The following RASA2 variants were observed in gnomAD, a reference collection of about 807,000 sequenced individuals.
The protein encoded by RASA2 is ras GTPase-activating protein 2.
A neutral mutation model predicts 118.2 loss-of-function variants in RASA2; 155 were observed. The ratio of observed to expected loss-of-function variants is 1.31; its 90% CI spans 1.15 to 1.50. The LOEUF (loss-of-function observed/expected upper bound fraction) is 1.50, where lower values mean the gene tolerates loss of function less well. RASA2 is among the 40% of genes most tolerant of loss of function. RASA2 has a pLI of 0.00. For synonymous variants in RASA2, 353 were observed against 349.1 expected (o/e 1.01, Z -0.12); for missense variants, 1,016 against 1,009.6 (o/e 1.01, Z -0.09).
At chr3:141,566,104 TTAAG>T (rs1246455442) in intron 9 of RASA2, among the ~76,000 whole-genome samples, 4 of 152,238 alleles carry the variant, frequency 2.6e-5, no homozygotes, top group Non-Finnish European at 4.4e-5. Context: ...AATATATAAA[TTAAG>T]TATTAAAACT....
intron 22 of RASA2, 75 bp from the exon 23 acceptor site, chr3:141,609,802 T>G: frequency 7.4e-7 from 1 of 1,352,720 alleles, no homozygotes; most frequent in Non-Finnish European, 9.9e-7. Context: ...ACTTGAAAAA[T>G]TCTTATTTGT....
chr3:141,585,619 C>T (rs1455525267), intron 17 of RASA2, among the ~76,000 whole-genome samples: 5 of 151,862 alleles, frequency 3.3e-5, no homozygotes, highest in Non-Finnish European at 7.4e-5. Context: ...GCCAACATAG[C>T]GTAACCCTGT....
chr3:141,494,494 G>A (rs1244794292), intron 1 of RASA2, among the ~76,000 whole-genome samples: 7 of 152,156 alleles, frequency 4.6e-5, no homozygotes, highest in East Asian at 1.9e-4. Context: ...TCAGCCTCCC[G>A]AGTAGCTGGG....
At chr3:141,607,803 ATATTACTTAAG>A in intron 20 of RASA2, 43 bp downstream of exon 20, 1 of 1,505,800 alleles carries the variant, frequency 6.6e-7, no homozygotes. Flanking sequence ...TGAACTGCAT[ATATTACTTAAG>A]TATTTGTATT....
chr3:141,599,855 TA>T (rs2083437337), intron 19 of RASA2, among the ~76,000 whole-genome samples: 1 of 151,766 alleles, frequency 6.6e-6, no homozygotes, highest in Non-Finnish European at 1.5e-5. Flanking sequence ...CCTCGAAGAG[TA>T]AGGGAGGGAA....
chr3:141,564,358 A>G (rs1232741235), intron 9 of RASA2, among the ~76,000 whole-genome samples: 1 of 152,212 alleles, frequency 6.6e-6, no homozygotes, highest in Admixed American at 6.5e-5. Context: ...TAAGATGGAT[A>G]GGGATGGTCC....
chr3:141,503,204 A>G (rs2081810362), intron 1 of RASA2, among the ~76,000 whole-genome samples: 2 of 152,198 alleles, frequency 1.3e-5, no homozygotes, highest in African/African-American at 2.4e-5. Context: ...ACATGAAGAA[A>G]CATACATGCA....
chr3:141,599,145 A>G (rs2083422325), intron 19 of RASA2, among the ~76,000 whole-genome samples: 1 of 152,104 alleles, frequency 6.6e-6, no homozygotes, highest in Admixed American at 6.5e-5. Flanking sequence ...TCTACACTGA[A>G]ACTACAAAAC....
Position 141,570,918 on chromosome 3 carries a change from G to C in RASA2, c.870G>C (p.Leu290Phe). The C allele has an allele frequency of 6.2e-7, 1 of 1,603,116 alleles. No homozygotes were observed. The highest frequency in any genetic ancestry group is 8.5e-7 in the Non-Finnish European group (1 of 1,176,530). Residue 290 changes from leucine (L) to phenylalanine (F), a missense_variant, in exon 10 of 24, where the codon TTG becomes TTC. By Grantham distance (22) the Leu-to-Phe change is conservative. Coordinates refer to ENST00000286364, the MANE Select transcript of RASA2 (RefSeq NM_006506.5). The stretch of plus-strand genomic sequence containing the variant: ...ACTTATATTTTTACTTTAGGTACTT[G>C]CTACAGCCAAGAGACAATGGAAACA... ...RTDSSHQAWYLLQPRDNGNKS... is the reference protein window; with the variant it reads ...RTDSSHQAWYFLQPRDNGNKS...
Position 141,570,953 on chromosome 3 carries a change from A to G in RASA2, c.905A>G (p.Lys302Arg), listed in dbSNP as rs751602733. The G allele has an allele frequency of 1.2e-6, 2 of 1,611,674 alleles. No individual in the cohort carries two copies. The highest frequency in any genetic ancestry group is 1.7e-6 in the Non-Finnish European group (2 of 1,178,820). The stretch of plus-strand genomic sequence containing the variant: ...AGAGACAATGGAAACAAGTCATCCA[A>G]AACTGATGACCTGGGGTCTCTTCGA... ...QPRDNGNKSS[K>R]TDDLGSLRLN... The change falls in exon 10 of 24, where the codon AAA (lysine) becomes AGA (arginine). Residue 302 changes from lysine to arginine, a missense_variant. Coordinates refer to ENST00000286364, the MANE Select transcript of RASA2 (RefSeq NM_006506.5).
chr3:141,612,012 T>A (rs570058830), intron 23 of RASA2, among the ~76,000 whole-genome samples: 34 of 152,304 alleles, frequency 2.2e-4, no homozygotes, highest in East Asian at 1.9e-4. Flanking sequence ...ACTAAATATC[T>A]TATTAATTTT....
intron 1 of RASA2, among the ~76,000 whole-genome samples, chr3:141,498,504 G>A (rs943223274): frequency 2.0e-5 from 3 of 152,140 alleles, no homozygotes; most frequent in African/African-American, 7.2e-5. Flanking sequence ...AATTATTTTA[G>A]CTGCCTAACT....
chr3:141,576,636 A>T (rs984950692), intron 14 of RASA2, among the ~76,000 whole-genome samples: 3 of 152,252 alleles, frequency 2.0e-5, no homozygotes, highest in Non-Finnish European at 4.4e-5. Context: ...GTAGCCTTGT[A>T]TCATACTCTT....
At chr3:141,567,680 G>A (rs1008550470) in intron 9 of RASA2, among the ~76,000 whole-genome samples, 2 of 152,142 alleles carry the variant, frequency 1.3e-5, no homozygotes, top group African/African-American at 2.4e-5. Context: ...TGTAGCAAGT[G>A]TATACCATAG....
At chr3:141,586,329 G>A (rs956772630) in intron 18 of RASA2, among the ~76,000 whole-genome samples, 11 of 152,006 alleles carry the variant, frequency 7.2e-5, no homozygotes, top group Non-Finnish European at 1.2e-4. Context: ...GAGATGATGG[G>A]TATTTAGAGT....
At chr3:141,496,190 T>C (rs1173797759) in intron 1 of RASA2, among the ~76,000 whole-genome samples, 52 of 152,106 alleles carry the variant, frequency 3.4e-4, no homozygotes, top group Admixed American at 3.4e-3. Context: ...AAGACTTAAA[T>C]GTTAGACCTA....
chr3:141,554,019 C>A lies in RASA2; in HGVS notation c.611+79C>A, dbSNP rs778141320. On this transcript the variant is annotated intron_variant, in intron 6 of 23. Coordinates refer to ENST00000286364, the MANE Select transcript of RASA2 (RefSeq NM_006506.5). ...AATTTAAAAAGTAAGATTCTACGAG[C>A]AAATGATAAATAGCTATTTATAACA... is the stretch of plus-strand genomic sequence containing the variant. 321 of 1,514,458 alleles carry A rather than the reference C, an allele frequency of 2.1e-4. 2 individuals carry two copies. The highest frequency in any genetic ancestry group is 8.1e-4 in the Admixed American group (37 of 45,532). 93.8% of individuals were successfully genotyped at this position (1,514,458 alleles called of 1,614,324 possible).
chr3:141,595,724 G>C (rs1203192972), intron 19 of RASA2, among the ~76,000 whole-genome samples: 1 of 151,792 alleles, frequency 6.6e-6, no homozygotes, highest in Non-Finnish European at 1.5e-5. Context: ...GACCTCCTGG[G>C]CTCAAGAGAT....
intron 1 of RASA2, among the ~76,000 whole-genome samples, chr3:141,496,147 C>T (rs137879515): frequency 3.3e-5 from 5 of 152,176 alleles, no homozygotes; most frequent in Non-Finnish European, 7.3e-5. Context: ...CCCTTCCTTA[C>T]ACCTTGTACA....
Sources: allele counts gnomAD v4.1 joint callset (sites outside exome capture counted in the v4.1 genomes callset), GRCh38; gene constraint gnomAD v4.1.1; transcripts MANE v1.5; gene names NCBI Gene and HGNC (gene_info 2026-07-23, HGNC 2026-07-21).